Variants in RIPOR2 observed in about 807,000 individuals in gnomAD.
RIPOR2 encodes RHO family interacting cell polarization regulator 2.
A neutral mutation model predicts 114.5 loss-of-function variants in RIPOR2; 39 were observed. The observed-to-expected ratio is 0.34, with a 90% CI of 0.26 to 0.44. The LOEUF (loss-of-function observed/expected upper bound fraction) is 0.44. Among genes scored for constraint, RIPOR2 ranks in the 20% least tolerant of loss-of-function variants. RIPOR2 has a pLI of 1.00. For missense variants in RIPOR2, 1,007 were observed against 1,255.1 expected, an observed-to-expected ratio of 0.80 and a Z score of 2.99; for synonymous variants, 445 against 484.4, an observed-to-expected ratio of 0.92 and a Z score of 1.07.
intron 1 of RIPOR2, among the ~76,000 whole-genome samples, chr6:24,944,376 C>T (rs994549846): frequency 6.6e-6 from 1 of 152,058 alleles, no homozygotes; most frequent in Non-Finnish European, 1.5e-5. Flanking sequence ...TACCACTAAG[C>T]TAATCAAGCA....
intron 1 of RIPOR2, among the ~76,000 whole-genome samples, chr6:24,959,022 C>T (rs584439): frequency 0.8 from 118,006 of 146,862 alleles, 50,516 homozygotes; most frequent in East Asian, 0.96. Context: ...CCAATCATAG[C>T]TCACTGCAGC....
Position 25,030,013 on chromosome 6 carries a change from C to T in RIPOR2, c.76+11838G>A, listed in dbSNP as rs532833549. 4.6e-5 allele frequency among the ~76,000 whole-genome samples: 7 copies of T among 152,150 alleles called. No homozygotes were observed. The South Asian group carries it at 1.5e-3, about 32-fold the overall frequency. On this transcript the variant is annotated intron_variant, in intron 1 of 13. Transcript: ENST00000510784. Reference sequence around the variant, plus strand: ...AGAAAGCTCTTCAAACCTAGTGGGACTCGTGGTTCCTCCATAACTTGGTCT... The same window carrying T: ...AGAAAGCTCTTCAAACCTAGTGGGATTCGTGGTTCCTCCATAACTTGGTCT...
rs141064069 is a variant in RIPOR2 at position 25,026,842 on chromosome 6, G to A, written c.76+15009C>T. Among the ~76,000 whole-genome samples the A allele has an allele frequency of 2.4e-4, 37 of 152,302 alleles. 1 individual carries two copies. In the East Asian group the frequency reaches 6.9e-3, roughly 29 times the overall value. On this transcript the variant is annotated intron_variant, in intron 1 of 13. Transcript: ENST00000510784. ...CAGGAGCTAAGAGGCTGAGGCCTGG[G>A]GGAAATAAATAATAACTCAAGTGCC...
At chr6:24,905,593 G>C (rs918304096) in intron 1 of RIPOR2, among the ~76,000 whole-genome samples, 1 of 152,190 alleles carries the variant, frequency 6.6e-6, no homozygotes, top group Non-Finnish European at 1.5e-5. Flanking sequence ...TTAATTGGAA[G>C]GTAGACTGTC....
At chr6:24,979,305 T>TG (rs1774199894) in intron 1 of RIPOR2, among the ~76,000 whole-genome samples, 1 of 126,904 alleles carries the variant, frequency 7.9e-6, no homozygotes, top group Non-Finnish European at 1.6e-5. Flanking sequence ...TTTTTTTTTT[T>TG]GCTGTTTCCT....
At chr6:24,839,019 C>T in intron 14 of RIPOR2, 72 bp downstream of exon 14, 1 of 1,274,750 alleles carries the variant, frequency 7.8e-7, no homozygotes, top group Non-Finnish European at 1.1e-6. Context: ...CAGGTCCCCT[C>T]TGACAGTAAC....
intron 13 of RIPOR2, among the ~76,000 whole-genome samples, chr6:24,842,573 C>T (rs1761829118): frequency 6.6e-6 from 1 of 152,186 alleles, no homozygotes; most frequent in African/African-American, 2.4e-5. Flanking sequence ...CAAAGTGCCT[C>T]TACTTCACAT....
At chr6:24,921,868 C>T (rs532410131) in intron 1 of RIPOR2, among the ~76,000 whole-genome samples, 3 of 151,838 alleles carry the variant, frequency 2.0e-5, no homozygotes, top group East Asian at 1.9e-4. Context: ...CTCACTCTGT[C>T]GCCCAGGCTG....
At chr6:24,935,317 C>CAAAAAA (rs1249173537) in intron 1 of RIPOR2, among the ~76,000 whole-genome samples, 3 of 79,734 alleles carry the variant, frequency 3.8e-5, no homozygotes, top group Admixed American at 1.2e-4. Flanking sequence ...CAAAAAACAA[C>CAAAAAA]AACAAAAAAA....
intron 1 of RIPOR2, among the ~76,000 whole-genome samples, chr6:25,036,449 T>C (rs987460648): frequency 6.6e-6 from 1 of 152,170 alleles, no homozygotes; most frequent in East Asian, 1.9e-4. Flanking sequence ...TGGAGTGCAG[T>C]GGCATGATCA....
At chr6:24,966,905 A>G (rs934254013) in intron 1 of RIPOR2, among the ~76,000 whole-genome samples, 1 of 152,238 alleles carries the variant, frequency 6.6e-6, no homozygotes, top group Non-Finnish European at 1.5e-5. Flanking sequence ...CTCCATAGAT[A>G]TTAGTTTCTT....
intron 1 of RIPOR2, among the ~76,000 whole-genome samples, chr6:25,029,211 T>G (rs1218292870): frequency 6.6e-6 from 1 of 151,404 alleles, no homozygotes; most frequent in Non-Finnish European, 1.5e-5. Context: ...TGGCTTGAAC[T>G]CGGGAGGTGG....
chr6:24,943,270 T>C (rs1227383582), intron 1 of RIPOR2, among the ~76,000 whole-genome samples: 1 of 152,122 alleles, frequency 6.6e-6, no homozygotes, highest in Non-Finnish European at 1.5e-5. Flanking sequence ...ATGTTCTCAC[T>C]CATAGGTGGG....
intron 3 of RIPOR2, 97 bp downstream of exon 3, chr6:24,873,547 A>T: frequency 9.0e-7 from 1 of 1,116,582 alleles, no homozygotes; most frequent in Non-Finnish European, 1.3e-6. Flanking sequence ...AATACCTCCT[A>T]CAGAAATAGA....
chr6:24,843,249 A>C lies in RIPOR2; in HGVS notation c.1470T>G (p.Pro490=). The C allele has an allele frequency of 1.2e-6, 2 of 1,613,966 alleles. No homozygotes were observed. The highest frequency in any genetic ancestry group is 1.7e-6 in the Non-Finnish European group (2 of 1,179,876). The change falls in exon 13 of 22, where the codon CCT becomes CCG. Residue 490 remains proline (P), a synonymous_variant. Coordinates refer to ENST00000643898, the MANE Select transcript of RIPOR2 (RefSeq NM_001286445.3). ...KEEDPEEPRK[P]ASAPSEACRR... is the part of the protein sequence containing the mutation. ...GGCAAGCCTCAGATGGGGCCGAGGC[A>C]GGTTTTCTGGGCTCCTCTGGGTCTT...
intron 1 of RIPOR2, among the ~76,000 whole-genome samples, chr6:24,933,573 T>C (rs921140181): frequency 2.0e-5 from 3 of 152,246 alleles, no homozygotes; most frequent in Non-Finnish European, 2.9e-5. Flanking sequence ...GGATTTTCTC[T>C]TTAATCTTTA....
At chr6:24,806,546 C>T in intron 21 of RIPOR2, 73 bp from the exon 22 acceptor site, 5 of 1,178,742 alleles carry the variant, frequency 4.2e-6, no homozygotes, top group Non-Finnish European at 6.0e-6. Context: ...TAACATAGTG[C>T]CATTTGTTTA....
chr6:24,987,427 T>C (rs2113605610), intron 1 of RIPOR2, among the ~76,000 whole-genome samples: 1 of 152,308 alleles, frequency 6.6e-6, no homozygotes, highest in South Asian at 2.1e-4. Context: ...TGTGGAAAAT[T>C]ACCTTGATGC....
chr6:24,818,913 G>A (rs994405521), intron 19 of RIPOR2, among the ~76,000 whole-genome samples: 1 of 151,662 alleles, frequency 6.6e-6, no homozygotes, highest in African/African-American at 2.4e-5. Flanking sequence ...GCCACCTAAA[G>A]GTAATTTTTT....
Sources: allele counts gnomAD v4.1 joint callset (sites outside exome capture counted in the v4.1 genomes callset), GRCh38; gene constraint gnomAD v4.1.1; transcripts MANE v1.5; gene names NCBI Gene and HGNC (gene_info 2026-07-23, HGNC 2026-07-21).